The following CSMD1 variants were observed in gnomAD, a reference collection of about 807,000 sequenced individuals.
CSMD1 encodes CUB and Sushi multiple domains 1, also known as CUB and sushi domain-containing protein 1.
CSMD1 carries 213 observed loss-of-function variants against 417.5 expected under a neutral mutation model. That is an observed-to-expected ratio of 0.51 (90% CI 0.46 to 0.57). CSMD1 has a LOEUF of 0.57. Ranked by LOEUF, CSMD1 falls within the 20% of genes least tolerant of loss-of-function variation. The pLI, the probability that CSMD1 is intolerant of heterozygous loss-of-function variation, is 0.00. For synonymous variants in CSMD1, 2,862 were observed against 1,736.8 expected (o/e 1.65, Z -16.11); for missense variants, 6,923 against 4,529.7 (o/e 1.53, Z -15.17).
intron 1 of CSMD1, among the ~76,000 whole-genome samples, chr8:4,821,374 C>T (rs777314128): frequency 9.9e-5 from 15 of 152,162 alleles, no homozygotes; most frequent in Non-Finnish European, 1.8e-4. Context: ...CAAAGAGGTG[C>T]GTTTATCCCC....
At chr8:4,031,374 T>G (rs1459822019) in intron 4 of CSMD1, among the ~76,000 whole-genome samples, 2 of 152,216 alleles carry the variant, frequency 1.3e-5, no homozygotes, top group Non-Finnish European at 1.5e-5. Flanking sequence ...CTTACATGCA[T>G]GGCAGCAGGC....
At chr8:4,014,686 G>T (rs1402912096) in intron 4 of CSMD1, among the ~76,000 whole-genome samples, 1 of 152,200 alleles carries the variant, frequency 6.6e-6, no homozygotes, top group Non-Finnish European at 1.5e-5. Flanking sequence ...GCCAACTTGT[G>T]ATGAGGCTGG....
At chr8:3,883,429 T>C (rs769683171) in intron 5 of CSMD1, among the ~76,000 whole-genome samples, 8 of 152,158 alleles carry the variant, frequency 5.3e-5, no homozygotes, top group Non-Finnish European at 8.8e-5. Context: ...TATGTGTGTG[T>C]ATGTTTGTGT....
At chr8:3,748,033 A>C (rs762745378) in intron 6 of CSMD1, among the ~76,000 whole-genome samples, 1 of 152,138 alleles carries the variant, frequency 6.6e-6, no homozygotes, top group Non-Finnish European at 1.5e-5. Flanking sequence ...AGCAAGACAC[A>C]CAGGTAGAAG....
intron 10 of CSMD1, among the ~76,000 whole-genome samples, chr8:3,510,741 G>C (rs1797030043): frequency 6.6e-6 from 1 of 151,778 alleles, no homozygotes; most frequent in Middle Eastern, 3.2e-3. Context: ...GTTTTGATTT[G>C]CATTTCTGTA....
intron 18 of CSMD1, among the ~76,000 whole-genome samples, chr8:3,369,663 G>C (rs555953773): frequency 6.6e-6 from 1 of 152,188 alleles, no homozygotes; most frequent in African/African-American, 2.4e-5. Context: ...GTACAGGTTT[G>C]CACTCCTGAG....
chr8:3,291,192 A>G (rs1803530811), intron 25 of CSMD1, among the ~76,000 whole-genome samples: 1 of 152,140 alleles, frequency 6.6e-6, no homozygotes, highest in Non-Finnish European at 1.5e-5. Flanking sequence ...ATCATTGTGG[A>G]TAAACTTTTT....
At position 3,936,867 on chromosome 8, in the gene CSMD1, G is replaced by C. The variant is rs547569782; in HGVS notation, c.818+61036C>G. 2.0e-5 allele frequency among the ~76,000 whole-genome samples: 3 copies of C among 152,216 alleles called. No individual in the cohort carries two copies. In the South Asian group the frequency reaches 6.2e-4, roughly 32 times the overall value. The stretch of plus-strand genomic sequence containing the variant: ...TCCATTGATGGATCTAGCTAGACAA[G>C]GTAAAACAAAACCCTTTGGAAAGAA... On this transcript the variant is annotated intron_variant, in intron 5 of 69. Transcript: ENST00000635120.
At chr8:3,047,824 T>C (rs1189436306) in intron 50 of CSMD1, among the ~76,000 whole-genome samples, 1 of 152,186 alleles carries the variant, frequency 6.6e-6, no homozygotes, top group African/African-American at 2.4e-5. Context: ...AACACTTGAG[T>C]GTGTCTAATT....
In CSMD1 at chr8:2,936,921, T is replaced by C. The variant is rs192784452; in HGVS notation, c.*1664A>G. Reference sequence around the variant, plus strand: ...GACAACGTGAAGGCCAATTTGAACATTCTGACATTTCTATTACCAACGCCA... The same window carrying C: ...GACAACGTGAAGGCCAATTTGAACACTCTGACATTTCTATTACCAACGCCA... On this transcript the variant is annotated 3_prime_UTR_variant, in exon 70 of 70. Transcript: ENST00000635120. 9.2e-5 allele frequency: 14 copies of C among 152,318 alleles called. No homozygotes were observed. In the East Asian group the frequency reaches 1.9e-3, roughly 21 times the overall value. The allele number at this position is 152,318 out of a possible 1,614,324, so 9.4% of individuals were successfully genotyped here. A position where few individuals can be genotyped will look rare whatever the true frequency, so the allele number is the denominator to read the frequency against.
intron 7 of CSMD1, among the ~76,000 whole-genome samples, chr8:3,691,847 C>G (rs1021397062): frequency 6.6e-6 from 1 of 152,134 alleles, no homozygotes; most frequent in Non-Finnish European, 1.5e-5. Flanking sequence ...GAGTCTGTAA[C>G]TTGAATATTT....
chr8:4,147,053 C>T (rs140298886), intron 3 of CSMD1, among the ~76,000 whole-genome samples: 2 of 151,884 alleles, frequency 1.3e-5, no homozygotes, highest in African/African-American at 2.4e-5. Context: ...GCTTTTCCTT[C>T]ACCCTCCTGC....
At chr8:3,239,941 G>C (rs979050021) in intron 26 of CSMD1, among the ~76,000 whole-genome samples, 1 of 151,726 alleles carries the variant, frequency 6.6e-6, no homozygotes, top group Non-Finnish European at 1.5e-5. Flanking sequence ...AACAAAGAGT[G>C]AATACAGCTG....
At position 3,772,532 on chromosome 8, in the gene CSMD1, TACA is replaced by T. The variant is rs1563064690; in HGVS notation, c.819-18493_819-18491del. ...ACATATATACATATATACACATATA[TACA>T]TATATACACATATATACATATATAC... On this transcript the variant is annotated intron_variant, in intron 5 of 69. Coordinates refer to ENST00000635120, the MANE Select transcript of CSMD1 (RefSeq NM_033225.6). Among the ~76,000 whole-genome samples, 11 of 59,932 alleles carry T rather than the reference TACA, an allele frequency of 1.8e-4. 1 individual carries two copies. The East Asian group carries it at 3.2e-3, about 17-fold the overall frequency. 39.3% of individuals were successfully genotyped at this position (59,932 alleles called of 152,430 possible).
At chr8:3,981,779 A>G (rs764618144) in intron 5 of CSMD1, among the ~76,000 whole-genome samples, 9 of 152,192 alleles carry the variant, frequency 5.9e-5, no homozygotes, top group Non-Finnish European at 1.2e-4. Context: ...TGTGCGCTTC[A>G]CAAAGTCAAG....
At chr8:3,803,612 G>C (rs1326309636) in intron 5 of CSMD1, among the ~76,000 whole-genome samples, 1 of 152,180 alleles carries the variant, frequency 6.6e-6, no homozygotes, top group Non-Finnish European at 1.5e-5. Flanking sequence ...TGTGTCTGCA[G>C]TGGACTCAGA....
intron 1 of CSMD1, among the ~76,000 whole-genome samples, chr8:4,837,354 C>T (rs1585187789): frequency 6.6e-6 from 1 of 152,208 alleles, no homozygotes; most frequent in East Asian, 1.9e-4. Context: ...CCTAAGTGTC[C>T]ATCAACAGAT....
intron 6 of CSMD1, among the ~76,000 whole-genome samples, chr8:3,723,571 T>C (rs1341450785): frequency 1.3e-5 from 2 of 152,222 alleles, no homozygotes; most frequent in Non-Finnish European, 2.9e-5. Context: ...AAACAATTAT[T>C]AGATAGTCTT....
At chr8:4,314,275 C>T (rs1374059364) in intron 3 of CSMD1, among the ~76,000 whole-genome samples, 2 of 152,074 alleles carry the variant, frequency 1.3e-5, no homozygotes, top group South Asian at 2.1e-4. Context: ...CTCTTAGTTA[C>T]AATCGACAAA....
Sources: allele counts gnomAD v4.1 joint callset (sites outside exome capture counted in the v4.1 genomes callset), GRCh38; gene constraint gnomAD v4.1.1; transcripts MANE v1.5; gene names NCBI Gene and HGNC (gene_info 2026-07-23, HGNC 2026-07-21).